The following LARS1 variants were observed in gnomAD, a reference collection of about 807,000 sequenced individuals.
The protein encoded by LARS1 is leucine--tRNA ligase, cytoplasmic.
Under a neutral mutation model 162.8 loss-of-function variants are expected in LARS1, and 100 were observed. The ratio of observed to expected loss-of-function variants is 0.61; its 90% CI spans 0.52 to 0.73. The LOEUF (loss-of-function observed/expected upper bound fraction) is 0.73. Among genes scored for constraint, LARS1 ranks in the 30% least tolerant of loss-of-function variants. The pLI is 0.00. For missense variants in LARS1, 1,258 were observed against 1,408.9 expected, an observed-to-expected ratio of 0.89 and a Z score of 1.71; for synonymous variants, 457 against 462.8, an observed-to-expected ratio of 0.99 and a Z score of 0.16.
chr5:146,177,772 C>A, intron 1 of LARS1, 107 bp from the exon 2 acceptor site: 1 of 473,472 alleles, frequency 2.1e-6, no homozygotes, highest in East Asian at 4.1e-5. Flanking sequence ...CTGATTTTTC[C>A]ATGGTTATCT....
chr5:146,125,955 G>A (rs1752024307), intron 28 of LARS1, among the ~76,000 whole-genome samples: 1 of 151,946 alleles, frequency 6.6e-6, no homozygotes, highest in South Asian at 2.1e-4. Flanking sequence ...AGCCAGGGAT[G>A]CCATTACATA....
chr5:146,148,780 TA>T (rs1293473564), intron 15 of LARS1, among the ~76,000 whole-genome samples: 1 of 152,022 alleles, frequency 6.6e-6, no homozygotes, highest in African/African-American at 2.4e-5. Flanking sequence ...AGAGATCTGT[TA>T]GAGATGGAGA....
At chr5:146,156,403 A>G (rs1417997656) in intron 10 of LARS1, among the ~76,000 whole-genome samples, 1 of 152,232 alleles carries the variant, frequency 6.6e-6, no homozygotes. Context: ...TTGATAATAC[A>G]GTAGATAAGG....
In LARS1 at chr5:146,171,914, A is replaced by G; in HGVS notation, c.290T>C (p.Ile97Thr). The change falls in exon 4 of 32, where the codon ATT becomes ACT. Residue 97 changes from isoleucine to threonine, a missense_variant. By Grantham distance (89) the Ile-to-Thr change is moderately conservative (BLOSUM62 -1). Transcript: ENST00000394434. The stretch of plus-strand genomic sequence containing the variant: ...CAATCCTATTAGCGATCTTACCTTA[A>G]TAGGCATTCCAGTACAGTGCAGGCC... ...PFGLHCTGMP[I>T]KACADKLKRE... 3.7e-6 allele frequency: 6 copies of G among 1,611,620 alleles called. No homozygotes were observed. The highest frequency in any genetic ancestry group is 5.1e-6 in the Non-Finnish European group (6 of 1,178,344).
At chr5:146,179,667 C>T in intron 1 of LARS1, 1 of 441,964 alleles carries the variant, frequency 2.3e-6, no homozygotes, top group South Asian at 1.6e-5. Context: ...GGTGCAAGCA[C>T]CAGCTCACCG....
chr5:146,175,784 C>A (rs1482427837), intron 2 of LARS1, among the ~76,000 whole-genome samples: 4 of 148,792 alleles, frequency 2.7e-5, no homozygotes, highest in South Asian at 2.1e-4. Context: ...GCCGAGATTG[C>A]GCCACTGCAC....
At chr5:146,154,770 C>T (rs1753447831) in intron 10 of LARS1, among the ~76,000 whole-genome samples, 1 of 151,682 alleles carries the variant, frequency 6.6e-6, no homozygotes, top group South Asian at 2.1e-4. Flanking sequence ...AGAGGGAGAC[C>T]CCGTCTCAAA....
intron 2 of LARS1, among the ~76,000 whole-genome samples, chr5:146,176,533 G>A (rs1001307027): frequency 2.0e-5 from 3 of 151,464 alleles, no homozygotes; most frequent in Non-Finnish European, 4.4e-5. Flanking sequence ...ACATTTGCTA[G>A]CACACAGTAA....
intron 2 of LARS1, among the ~76,000 whole-genome samples, chr5:146,177,024 C>A (rs1206083281): frequency 6.6e-6 from 1 of 152,006 alleles, no homozygotes; most frequent in African/African-American, 2.4e-5. Flanking sequence ...AAAAAAAAAT[C>A]TTTACAAACC....
At chr5:146,130,860 T>TA (rs1752245282) in intron 24 of LARS1, 159 bp downstream of exon 24, 2 of 469,404 alleles carry the variant, frequency 4.3e-6, no homozygotes, top group African/African-American at 2.0e-5. Context: ...GATAATAACT[T>TA]AAAATCACAA....
At chr5:146,181,915 C>T (rs1754886312) in intron 1 of LARS1, among the ~76,000 whole-genome samples, 1 of 124,348 alleles carries the variant, frequency 8.0e-6, no homozygotes, top group Admixed American at 9.2e-5. Flanking sequence ...ACTCCTCTCT[C>T]CACCTCGGCT....
chr5:146,125,002 TAC>T (rs141205004), intron 28 of LARS1, among the ~76,000 whole-genome samples: 2 of 150,930 alleles, frequency 1.3e-5, no homozygotes, highest in Admixed American at 6.6e-5. Flanking sequence ...TATCATTTTA[TAC>T]ACACACACAC....
intron 13 of LARS1, 85 bp downstream of exon 13, chr5:146,153,084 ATTAAT>A: frequency 9.6e-7 from 1 of 1,037,234 alleles, no homozygotes; most frequent in Non-Finnish European, 1.4e-6. Context: ...TACTCCACCA[ATTAAT>A]TTTGTTATAA....
At chr5:146,169,786 T>A (rs969733791) in intron 4 of LARS1, among the ~76,000 whole-genome samples, 1 of 152,132 alleles carries the variant, frequency 6.6e-6, no homozygotes, top group Admixed American at 6.6e-5. Flanking sequence ...TGACCTCATG[T>A]GATCCTCCTG....
intron 15 of LARS1, among the ~76,000 whole-genome samples, chr5:146,146,515 C>T (rs1753014658): frequency 7.6e-6 from 1 of 130,858 alleles, no homozygotes; most frequent in Non-Finnish European, 1.6e-5. Context: ...ATATACTGCC[C>T]CTACCTATGC....
intron 10 of LARS1, among the ~76,000 whole-genome samples, chr5:146,154,181 T>G (rs1303560268): frequency 3.9e-5 from 6 of 152,110 alleles, no homozygotes; most frequent in African/African-American, 1.4e-4. Flanking sequence ...TAGATTTTTT[T>G]AAGAGACAGA....
chr5:146,164,257 T>TA (rs1554131376), intron 6 of LARS1, 53 bp downstream of exon 6: 21 of 1,518,032 alleles, frequency 1.4e-5, no homozygotes, highest in African/African-American at 2.8e-5. Flanking sequence ...CAAAGCACAA[T>TA]AAAAAAGCAC....
At chr5:146,177,205 G>T (rs112832033) in intron 2 of LARS1, among the ~76,000 whole-genome samples, 1 of 151,966 alleles carries the variant, frequency 6.6e-6, no homozygotes, top group Non-Finnish European at 1.5e-5. Flanking sequence ...GGTGGCTCAC[G>T]CCTGTAATCC....
In LARS1 at chr5:146,121,335, C is replaced by G. The variant is rs545146013; in HGVS notation, c.3193-832G>C. On this transcript the variant is annotated intron_variant, in intron 30 of 31. Transcript: ENST00000394434. ...TTATCAAGACAAGGAGGGCAGTTTA[C>G]AGACTCTCCCAATTGCAGTCCCCTG... is the stretch of plus-strand genomic sequence containing the variant. Among the ~76,000 whole-genome samples, 3 of 152,228 alleles carry G rather than the reference C, an allele frequency of 2.0e-5. No homozygotes were observed. In the East Asian group the frequency reaches 5.8e-4, roughly 29 times the overall value.
Sources: allele counts gnomAD v4.1 joint callset (sites outside exome capture counted in the v4.1 genomes callset), GRCh38; gene constraint gnomAD v4.1.1; transcripts MANE v1.5; gene names NCBI Gene and HGNC (gene_info 2026-07-23, HGNC 2026-07-21).